Variants in RARB observed in about 807,000 individuals in gnomAD.
RARB encodes the protein HBV-activated protein.
RARB carries 17 observed loss-of-function variants against 51.9 expected under a neutral mutation model. That is an observed-to-expected ratio of 0.33 (90% CI 0.22 to 0.49). The LOEUF (loss-of-function observed/expected upper bound fraction) is 0.49, where lower values mean the gene tolerates loss of function less well. RARB is among the 20% of genes least tolerant of loss of function. The pLI is 0.99. For missense variants in RARB, 369 were observed against 550.8 expected (o/e 0.67, Z 3.30); for synonymous variants, 215 against 195.4 (o/e 1.10, Z -0.84).
chr3:25,163,582 A>G (rs1294915577), intron 4 of RARB, among the ~76,000 whole-genome samples: 1 of 149,428 alleles, frequency 6.7e-6, no homozygotes. Context: ...TCATAATTCT[A>G]ATGTAGTGCT....
At chr3:24,869,242 G>T (rs1366672964) in intron 2 of RARB, among the ~76,000 whole-genome samples, 3 of 152,026 alleles carry the variant, frequency 2.0e-5, no homozygotes, top group African/African-American at 7.2e-5. Context: ...TTCATAATGT[G>T]TCTTAAGTTG....
At chr3:24,960,463 C>T (rs1696114468) in intron 2 of RARB, among the ~76,000 whole-genome samples, 1 of 152,198 alleles carries the variant, frequency 6.6e-6, no homozygotes, top group African/African-American at 2.4e-5. Flanking sequence ...GAGCAGACAT[C>T]CTGCCAGTTT....
intron 2 of RARB, among the ~76,000 whole-genome samples, chr3:25,012,167 C>T (rs1438937827): frequency 3.3e-5 from 5 of 152,066 alleles, no homozygotes; most frequent in African/African-American, 4.8e-5. Flanking sequence ...CCCCACTAAA[C>T]ATTGAACAGG....
intron 5 of RARB, among the ~76,000 whole-genome samples, chr3:25,202,171 A>G (rs1218722859): frequency 6.6e-6 from 1 of 152,068 alleles, no homozygotes; most frequent in Non-Finnish European, 1.5e-5. Flanking sequence ...GGGAGGGTGT[A>G]TGTGTCAAGG....
chr3:24,883,479 G>A (rs11715275), intron 2 of RARB, among the ~76,000 whole-genome samples: 8,747 of 151,532 alleles, frequency 0.058, 388 homozygotes, highest in East Asian at 0.14. Flanking sequence ...TAAAGTAAAG[G>A]AATCAAGAAA....
chr3:24,932,030 T>C (rs962864977), intron 2 of RARB, among the ~76,000 whole-genome samples: 1 of 152,056 alleles, frequency 6.6e-6, no homozygotes, highest in African/African-American at 2.4e-5. Context: ...CCAAGTTCCA[T>C]CTTTGGATAC....
At chr3:25,310,488 A>G (rs1197635976) in intron 5 of RARB, among the ~76,000 whole-genome samples, 1 of 152,196 alleles carries the variant, frequency 6.6e-6, no homozygotes, top group Admixed American at 6.5e-5. Context: ...GGGTTTGGAC[A>G]TTTCATGTAG....
At chr3:24,873,515 CTTT>C (rs1394640972) in intron 2 of RARB, among the ~76,000 whole-genome samples, 1 of 151,670 alleles carries the variant, frequency 6.6e-6, no homozygotes, top group Non-Finnish European at 1.5e-5. Context: ...CTGTGTTTTT[CTTT>C]TTTAGTCTTC....
At chr3:25,052,115 G>A (rs145819615) in intron 2 of RARB, among the ~76,000 whole-genome samples, 51 of 152,284 alleles carry the variant, frequency 3.3e-4, no homozygotes, top group African/African-American at 1.2e-3. Context: ...CCATTTCACT[G>A]GCCAAAGCTA....
chr3:25,028,152 G>A (rs1458096699), intron 2 of RARB, among the ~76,000 whole-genome samples: 1 of 152,162 alleles, frequency 6.6e-6, no homozygotes, highest in Admixed American at 6.5e-5. Flanking sequence ...TTCAAGGAGT[G>A]TTCCCTAGAC....
intron 5 of RARB, among the ~76,000 whole-genome samples, chr3:25,226,588 C>A (rs1702061589): frequency 6.6e-6 from 1 of 152,252 alleles, no homozygotes; most frequent in Non-Finnish European, 1.5e-5. Flanking sequence ...GACAAGTGAA[C>A]AAGTACAACA....
At chr3:25,524,608 C>T (rs571488071) in intron 3 of RARB, among the ~76,000 whole-genome samples, 2 of 150,170 alleles carry the variant, frequency 1.3e-5, no homozygotes, top group Admixed American at 6.6e-5. Flanking sequence ...TTCTCTTCCC[C>T]CCTCCCTTCC....
At chr3:25,274,260 C>G (rs1213729566) in intron 5 of RARB, among the ~76,000 whole-genome samples, 1 of 152,172 alleles carries the variant, frequency 6.6e-6, no homozygotes, top group Non-Finnish European at 1.5e-5. Flanking sequence ...ACTAAGTGTT[C>G]AAAATCCAGT....
intron 5 of RARB, among the ~76,000 whole-genome samples, chr3:25,238,154 C>CCG (rs1553647345): frequency 6.6e-6 from 1 of 151,058 alleles, no homozygotes; most frequent in Non-Finnish European, 1.5e-5. Flanking sequence ...TCCAGCGCCC[C>CCG]CCCACACATC....
At chr3:24,861,505 T>C (rs1702746363) in intron 2 of RARB, among the ~76,000 whole-genome samples, 1 of 151,972 alleles carries the variant, frequency 6.6e-6, no homozygotes, top group African/African-American at 2.4e-5. Flanking sequence ...GTTATGCCTA[T>C]TGATATTTAC....
intron 2 of RARB, among the ~76,000 whole-genome samples, chr3:25,486,943 G>A (rs1696504511): frequency 6.6e-6 from 1 of 152,124 alleles, no homozygotes; most frequent in African/African-American, 2.4e-5. Flanking sequence ...ATTAGGACAA[G>A]GTTTGGATTA....
chr3:25,229,239 T>C, intron 5 of RARB, among the ~76,000 whole-genome samples: 1 of 152,158 alleles, frequency 6.6e-6, no homozygotes, highest in Non-Finnish European at 1.5e-5. Flanking sequence ...AGTTTGATTA[T>C]AGGTTATATT....
rs112776792 is a variant in RARB, at chr3:24,844,533, G to A, written c.-458-14141G>A. 3.8e-3 allele frequency among the ~76,000 whole-genome samples: 582 copies of A among 152,332 alleles called. 2 individuals are homozygous for A. The highest frequency in any genetic ancestry group is 0.013 in the African/African-American group (558 of 41,574). On this transcript the variant is annotated intron_variant, in intron 1 of 11. Transcript: ENST00000383772. ...GACTGCAGTGGGAAAAAACTGGGGA[G>A]CAGATATTACCCAGAGAAAGATGAA...
intron 2 of RARB, among the ~76,000 whole-genome samples, chr3:25,002,113 T>C (rs1239655232): frequency 6.6e-6 from 1 of 152,154 alleles, no homozygotes; most frequent in Admixed American, 6.6e-5. Context: ...GGAGGTAATT[T>C]TGGTTTCATA....
Sources: allele counts gnomAD v4.1 joint callset (sites outside exome capture counted in the v4.1 genomes callset), GRCh38; gene constraint gnomAD v4.1.1; transcripts MANE v1.5; gene names NCBI Gene and HGNC (gene_info 2026-07-23, HGNC 2026-07-21).